SGCD: variants seen among roughly 807,000 people sequenced by gnomAD.
SGCD encodes delta-sarcoglycan.
SGCD carries 18 observed loss-of-function variants against 36.6 expected under a neutral mutation model. The observed-to-expected ratio is 0.49, with a 90% CI of 0.34 to 0.73. The LOEUF (loss-of-function observed/expected upper bound fraction) is 0.73, where lower values mean the gene tolerates loss of function less well. Ranked by LOEUF, SGCD falls within the 30% of genes least tolerant of loss-of-function variation. The pLI is 0.01. For synonymous variants in SGCD, 133 were observed against 130.6 expected (o/e 1.02, Z -0.12); for missense variants, 387 against 346.7 (o/e 1.12, Z -0.92).
chr5:156,720,517 A>G (rs998102101), intron 7 of SGCD, among the ~76,000 whole-genome samples: 3 of 152,184 alleles, frequency 2.0e-5, no homozygotes, highest in Non-Finnish European at 4.4e-5. Context: ...AAAGGGGAAG[A>G]ATATTCAGAC....
chr5:156,213,501 T>A lies in SGCD; in HGVS notation c.-44+89482T>A, dbSNP rs10076004. ...AAGTCTCCCACTGAAGCAAAGCTTATGGAACTGATAGCTTCACTGCTGAAT... is the reference window on the plus strand; with the variant it reads ...AAGTCTCCCACTGAAGCAAAGCTTAAGGAACTGATAGCTTCACTGCTGAAT... On this transcript the variant is annotated intron_variant, in intron 3 of 9. Transcript: ENST00000517913. Among the ~76,000 whole-genome samples, 1,263 of 152,120 alleles carry A rather than the reference T, an allele frequency of 8.3e-3. 22 individuals are homozygous for A. The highest frequency in any genetic ancestry group is 0.029 in the African/African-American group (1,206 of 41,560).
the SGCD span, among the ~76,000 whole-genome samples, chr5:155,844,030 A>C: frequency 6.6e-6 from 1 of 152,170 alleles, no homozygotes; most frequent in African/African-American, 2.4e-5. Flanking sequence ...TACTCTTATA[A>C]TGGTATGAGT....
chr5:156,160,084 A>T (rs1390132429), intron 3 of SGCD, among the ~76,000 whole-genome samples: 1 of 151,638 alleles, frequency 6.6e-6, no homozygotes, highest in Non-Finnish European at 1.5e-5. Context: ...AATCTGTCTG[A>T]AACAGTTTAC....
chr5:156,488,966 G>A (rs1419263232), intron 3 of SGCD, among the ~76,000 whole-genome samples: 1 of 152,014 alleles, frequency 6.6e-6, no homozygotes, highest in East Asian at 1.9e-4. Flanking sequence ...ATAACTATAT[G>A]CTACCTACGA....
At chr5:156,124,186 ATG>A (rs904813226) in intron 3 of SGCD, among the ~76,000 whole-genome samples, 35 of 152,288 alleles carry the variant, frequency 2.3e-4, no homozygotes, top group African/African-American at 7.9e-4. Flanking sequence ...CACTTATGGG[ATG>A]TGTTACCACA....
chr5:156,457,786 C>T (rs1021945283), intron 3 of SGCD, among the ~76,000 whole-genome samples: 1 of 152,098 alleles, frequency 6.6e-6, no homozygotes, highest in Middle Eastern at 3.2e-3. Flanking sequence ...TGTTCTAGTC[C>T]CTGTTTGAGA....
At chr5:155,799,827 T>C in the SGCD span, among the ~76,000 whole-genome samples, 7 of 142,020 alleles carry the variant, frequency 4.9e-5, no homozygotes, top group African/African-American at 5.3e-5. Context: ...TTTTTTTTTT[T>C]TTTTTTTTTT....
chr5:155,776,214 T>C, the SGCD span, among the ~76,000 whole-genome samples: 1 of 152,128 alleles, frequency 6.6e-6, no homozygotes, highest in Non-Finnish European at 1.5e-5. Flanking sequence ...AGGACGGCAA[T>C]TCTTTCTTGA....
chr5:156,520,077 T>TCTTTGTTTGA, intron 4 of SGCD, among the ~76,000 whole-genome samples: 1 of 152,296 alleles, frequency 6.6e-6, no homozygotes, highest in Non-Finnish European at 1.5e-5. Context: ...AGTCAAACTA[T>TCTTTGTTTGA]CTTTGTTTGC....
At chr5:156,249,374 A>G (rs560425028) in intron 3 of SGCD, among the ~76,000 whole-genome samples, 16 of 152,348 alleles carry the variant, frequency 1.1e-4, no homozygotes, top group Admixed American at 9.1e-4. Context: ...AAAAAAGTCA[A>G]GTAAGTTGAG....
chr5:156,025,238 A>G (rs761703612), intron 1 of SGCD, among the ~76,000 whole-genome samples: 12 of 152,102 alleles, frequency 7.9e-5, no homozygotes, highest in Non-Finnish European at 1.3e-4. Flanking sequence ...AGGAAATGAG[A>G]GGGCTGGGAG....
In SGCD at chr5:156,426,295, T is replaced by C. The variant is rs76919087; in HGVS notation, c.192+81618T>C. ...GCTGGAGGAGTAAGGTAGTAAGTCA[T>C]TGTGGTTTTGATTTGCATTTCCCTG... On this transcript the variant is annotated intron_variant, in intron 3 of 8. Transcript: ENST00000337851. Among the ~76,000 whole-genome samples, 1,438 of 152,190 alleles carry C rather than the reference T, an allele frequency of 9.4e-3. 27 individuals carry two copies. Among genetic ancestry groups the C allele is most frequent in the African/African-American group, 0.032 (1,321 of 41,536 alleles).
chr5:156,618,666 A>G (rs908095608), intron 6 of SGCD, among the ~76,000 whole-genome samples: 3 of 150,500 alleles, frequency 2.0e-5, no homozygotes, highest in Non-Finnish European at 2.9e-5. Flanking sequence ...GCATTCACCC[A>G]CTGATGTCTG....
In SGCD at chr5:156,472,000, C is replaced by T. The variant is rs150450645; in HGVS notation, c.193-36601C>T. Among the ~76,000 whole-genome samples, 187 of 152,014 alleles carry T rather than the reference C, an allele frequency of 1.2e-3. 1 individual carries two copies. The highest frequency in any genetic ancestry group is 4.3e-3 in the African/African-American group (177 of 41,370). ...AGATTTATGAATGGCCAATTAAGCACATGAAAATGTCCTCAACATCATTAC... is the reference window on the plus strand; with the variant it reads ...AGATTTATGAATGGCCAATTAAGCATATGAAAATGTCCTCAACATCATTAC... On this transcript the variant is annotated intron_variant, in intron 3 of 8. Transcript: ENST00000337851.
chr5:156,417,628 A>T (rs1386607627), intron 3 of SGCD, among the ~76,000 whole-genome samples: 1 of 152,082 alleles, frequency 6.6e-6, no homozygotes, highest in Non-Finnish European at 1.5e-5. Flanking sequence ...GCATCCTCAC[A>T]TGGTGGAGAG....
intron 3 of SGCD, among the ~76,000 whole-genome samples, chr5:156,298,147 G>A (rs1449302741): frequency 6.6e-6 from 1 of 152,154 alleles, no homozygotes; most frequent in African/African-American, 2.4e-5. Context: ...ACTCTGTTGT[G>A]TATCTGTACC....
intron 1 of SGCD, among the ~76,000 whole-genome samples, chr5:156,077,909 T>C (rs1760832880): frequency 6.6e-6 from 1 of 152,172 alleles, no homozygotes; most frequent in African/African-American, 2.4e-5. Context: ...TGTTTTAGGC[T>C]TTAGAGAAGA....
intron 1 of SGCD, among the ~76,000 whole-genome samples, chr5:156,091,138 T>C (rs1761232087): frequency 6.6e-6 from 1 of 152,224 alleles, no homozygotes; most frequent in Non-Finnish European, 1.5e-5. Context: ...CACAGGAAAT[T>C]ATAAGAGTAT....
chr5:156,119,924 C>T (rs905311418), intron 2 of SGCD, among the ~76,000 whole-genome samples: 19 of 152,270 alleles, frequency 1.2e-4, no homozygotes, highest in African/African-American at 4.3e-4. Context: ...CGTTCAAGGC[C>T]GCCTGACAGG....
Sources: allele counts gnomAD v4.1 joint callset (sites outside exome capture counted in the v4.1 genomes callset), GRCh38; gene constraint gnomAD v4.1.1; transcripts MANE v1.5; gene names NCBI Gene and HGNC (gene_info 2026-07-23, HGNC 2026-07-21).